The following BMPR1B variants were observed in gnomAD, a reference collection of about 807,000 sequenced individuals.
The protein encoded by BMPR1B is bone morphogenetic protein receptor type 1B, also known as bone morphogenetic protein receptor type-1B.
A neutral mutation model predicts 59.1 loss-of-function variants in BMPR1B; 12 were observed. The ratio of observed to expected loss-of-function variants is 0.20; its 90% CI spans 0.13 to 0.33. BMPR1B has a LOEUF of 0.33. Among genes scored for constraint, BMPR1B ranks in the 10% least tolerant of loss-of-function variants. The probability of loss-of-function intolerance (pLI) is 1.00; values close to 1 mark genes in which losing one functional copy is unlikely to be tolerated. For missense variants in BMPR1B, 550 were observed against 610.9 expected (o/e 0.90, Z 1.05); for synonymous variants, 237 against 207.3 (o/e 1.14, Z -1.23).
chr4:95,131,530 C>A lies in BMPR1B; in HGVS notation c.1076+18C>A, dbSNP rs376107447. On this transcript the variant is annotated intron_variant, in intron 10 of 12. Coordinates refer to ENST00000515059, the MANE Select transcript of BMPR1B (RefSeq NM_001203.3). ...TTTATTAGGTTAGTATCAAAGTGAA[C>A]AAATACATGTTTTATGACTCTTTTC... 1 of 1,612,856 alleles carries A rather than the reference C, an allele frequency of 6.2e-7. No individual in the cohort carries two copies. The highest frequency in any genetic ancestry group is 1.1e-5 in the South Asian group (1 of 91,064).
intron 3 of BMPR1B, among the ~76,000 whole-genome samples, chr4:95,060,792 C>T (rs1437980842): frequency 6.6e-6 from 1 of 152,088 alleles, no homozygotes; most frequent in Non-Finnish European, 1.5e-5. Context: ...TTGTGGCTAT[C>T]TAGGCAGTTT....
chr4:95,052,926 G>T lies in BMPR1B; in HGVS notation c.-17-51482G>T, dbSNP rs201250117. Among the ~76,000 whole-genome samples, 3 of 152,240 alleles carry T rather than the reference G, an allele frequency of 2.0e-5. No homozygotes were observed. The East Asian group carries it at 5.8e-4, about 29-fold the overall frequency. ...GTCTTAAGAATGTTCCAGGAAGCTC[G>T]AAGCATGATATATGTGAGGTAAAAT... On this transcript the variant is annotated intron_variant, in intron 3 of 12. Coordinates refer to ENST00000515059, the MANE Select transcript of BMPR1B (RefSeq NM_001203.3).
intron 3 of BMPR1B, among the ~76,000 whole-genome samples, chr4:95,080,690 C>T (rs1030009037): frequency 9.2e-5 from 14 of 152,264 alleles, no homozygotes; most frequent in African/African-American, 3.4e-4. Context: ...TAGCACAAAT[C>T]GAAGCAGGAA....
At chr4:94,798,252 C>T (rs1723269584) in intron 1 of BMPR1B, among the ~76,000 whole-genome samples, 1 of 152,160 alleles carries the variant, frequency 6.6e-6, no homozygotes, top group African/African-American at 2.4e-5. Context: ...TAAGCGTTTG[C>T]AGTCCTAAGG....
chr4:95,025,201 C>T (rs569596569), intron 3 of BMPR1B, among the ~76,000 whole-genome samples: 8 of 152,124 alleles, frequency 5.3e-5, no homozygotes, highest in African/African-American at 1.7e-4. Context: ...GGATTATTTT[C>T]GCAAAGGGGA....
In BMPR1B at chr4:95,130,035, G is replaced by T. The variant is rs200446727; in HGVS notation, c.759G>T (p.Met253Ile). Residue 253 changes from methionine (M) to isoleucine (I), a missense_variant, in exon 9 of 13, where the codon ATG becomes ATT. Met to Ile is a conservative substitution (Grantham distance 10). Transcript: ENST00000515059. ...RETEIYQTVL[M>I]RHENILGFIA... ...CAGAAATATATCAGACAGTGTTGAT[G>T]AGGCATGAAAACATTTTGGGTGAGT... is the stretch of plus-strand genomic sequence containing the variant. 3.1e-6 allele frequency: 5 copies of T among 1,613,878 alleles called. No individual in the cohort carries two copies. Among genetic ancestry groups the T allele is most frequent in the Non-Finnish European group, 4.2e-6 (5 of 1,179,846 alleles).
At chr4:95,108,900 AC>A (rs1256958736) in intron 4 of BMPR1B, among the ~76,000 whole-genome samples, 1 of 152,064 alleles carries the variant, frequency 6.6e-6, no homozygotes, top group East Asian at 1.9e-4. Flanking sequence ...ATCACTGCAT[AC>A]CTTGAGTGCT....
intron 3 of BMPR1B, among the ~76,000 whole-genome samples, chr4:95,018,517 T>C (rs997891482): frequency 1.3e-5 from 2 of 152,176 alleles, no homozygotes; most frequent in African/African-American, 4.8e-5. Flanking sequence ...TTTCCCTGAG[T>C]TAATATTAAC....
At chr4:95,127,703 ACAGGGCTCCTAAAGAGAGGACGGC>A in intron 8 of BMPR1B, among the ~76,000 whole-genome samples, 1 of 152,140 alleles carries the variant, frequency 6.6e-6, no homozygotes, top group Non-Finnish European at 1.5e-5. Context: ...CTCATGGCGC[ACAGGGCTCCTAAAGAGAGGACGGC>A]TGCATTACAC....
intron 2 of BMPR1B, among the ~76,000 whole-genome samples, chr4:94,889,656 A>G (rs557358550): frequency 6.6e-6 from 1 of 152,188 alleles, no homozygotes; most frequent in Non-Finnish European, 1.5e-5. Context: ...CAGAATAGCC[A>G]TAATATACCA....
chr4:95,094,830 T>G (rs1327538333), intron 3 of BMPR1B, among the ~76,000 whole-genome samples: 2 of 152,124 alleles, frequency 1.3e-5, no homozygotes, highest in African/African-American at 4.8e-5. Flanking sequence ...AGCACCAACA[T>G]CTTCCCTTAT....
chr4:95,119,223 C>T (rs1289134424), intron 6 of BMPR1B, among the ~76,000 whole-genome samples: 9 of 152,058 alleles, frequency 5.9e-5, no homozygotes, highest in Non-Finnish European at 1.2e-4. Context: ...CAAAATCTTT[C>T]GTTATCTTTA....
chr4:95,066,596 A>C (rs947576421), intron 3 of BMPR1B, among the ~76,000 whole-genome samples: 13 of 152,230 alleles, frequency 8.5e-5, no homozygotes, highest in African/African-American at 3.1e-4. Context: ...AAGTGAGAAA[A>C]TATGCAGTGC....
intron 4 of BMPR1B, among the ~76,000 whole-genome samples, chr4:95,113,479 C>G (rs1313273192): frequency 6.6e-6 from 1 of 152,178 alleles, no homozygotes; most frequent in Non-Finnish European, 1.5e-5. Context: ...GACAAACCCA[C>G]AAATCATGGC....
intron 3 of BMPR1B, among the ~76,000 whole-genome samples, chr4:95,043,293 C>T (rs1353473001): frequency 1.3e-5 from 2 of 151,220 alleles, no homozygotes; most frequent in South Asian, 2.1e-4. Flanking sequence ...AGTAGCATAC[C>T]GCTAAAACCA....
At chr4:95,148,658 A>G in intron 10 of BMPR1B, 90 bp from the exon 11 acceptor site, 1 of 1,344,792 alleles carries the variant, frequency 7.4e-7, no homozygotes. Flanking sequence ...TCCACTTTTC[A>G]CTAACTAAAG....
intron 3 of BMPR1B, among the ~76,000 whole-genome samples, chr4:95,018,716 A>C (rs972801416): frequency 6.6e-6 from 1 of 152,212 alleles, no homozygotes; most frequent in African/African-American, 2.4e-5. Flanking sequence ...ATAAATAACT[A>C]CTATTTTTCA....
intron 1 of BMPR1B, among the ~76,000 whole-genome samples, chr4:94,849,516 G>T (rs1725485021): frequency 6.6e-6 from 1 of 152,062 alleles, no homozygotes; most frequent in South Asian, 2.1e-4. Flanking sequence ...AGTTTTCTTT[G>T]TTGTTGTTTT....
rs530661541 is a variant in BMPR1B at position 94,946,228 on chromosome 4, A to T, written c.-112-49812A>T. Among the ~76,000 whole-genome samples, 10 of 152,260 alleles carry T rather than the reference A, an allele frequency of 6.6e-5. No homozygotes were observed. In the East Asian group the frequency reaches 1.9e-3, roughly 29 times the overall value. On this transcript the variant is annotated intron_variant, in intron 2 of 12. Coordinates refer to ENST00000515059, the MANE Select transcript of BMPR1B (RefSeq NM_001203.3). ...TAACTCTAGTTTTTCAGATCTTTGT[A>T]GTTTTTCGTTGAATGGAGATTAGTT...
Sources: gnomAD v4.1 joint callset for allele counts (sites outside exome capture counted in the v4.1 genomes callset) on GRCh38, gnomAD v4.1.1 for gene constraint, MANE v1.5 for transcripts, NCBI Gene and HGNC (gene_info 2026-07-23, HGNC 2026-07-21) for gene names.